Variants in CTPS2 observed in about 807,000 individuals in gnomAD.
CTPS2 encodes the protein CTP synthase II.
In CTPS2, 19 loss-of-function variants were observed where a neutral mutation model predicts 46.8. The observed-to-expected ratio is 0.41, with a 90% CI of 0.28 to 0.60. The LOEUF is 0.60. Ranked by LOEUF, CTPS2 falls within the 20% of genes least tolerant of loss-of-function variation. The pLI is 0.35. For missense variants in CTPS2, 286 were observed against 447.6 expected (o/e 0.64, Z 3.26); for synonymous variants, 151 against 165.2 (o/e 0.91, Z 0.66).
chrX:16,679,929 C>T (rs1194960378), intron 9 of CTPS2, among the ~76,000 whole-genome samples: 13 of 111,389 alleles, frequency 1.2e-4, no homozygotes, highest in Non-Finnish European at 2.3e-4. Flanking sequence ...GCAGCCTGAA[C>T]AGACTGAGAC....
chrX:16,639,493 A>G (rs1303012695), intron 13 of CTPS2, among the ~76,000 whole-genome samples: 1 of 110,610 alleles, frequency 9.0e-6, no homozygotes, highest in Non-Finnish European at 1.9e-5. Context: ...GAGCATCTTG[A>G]TGATGTCCCT....
At chrX:16,666,598 G>A (rs1423707595) in intron 13 of CTPS2, among the ~76,000 whole-genome samples, 2 of 111,251 alleles carry the variant, frequency 1.8e-5, no homozygotes, top group South Asian at 3.8e-4. Flanking sequence ...TCCGTGAGCC[G>A]TGATCATGCC....
chrX:16,617,280 C>T (rs1930583882), intron 15 of CTPS2, 34 bp from the exon 16 acceptor site: 1 of 1,025,426 alleles, frequency 9.8e-7, no homozygotes, highest in Non-Finnish European at 1.4e-6. Context: ...TTATGGGCCA[C>T]AGTGCAATAC....
chrX:16,708,306 C>T (rs1269726910), intron 1 of CTPS2, among the ~76,000 whole-genome samples: 1 of 111,386 alleles, frequency 9.0e-6, no homozygotes, highest in Non-Finnish European at 1.9e-5. Context: ...TCAAAATATA[C>T]ATGTTCCATC....
intron 10 of CTPS2, among the ~76,000 whole-genome samples, chrX:16,673,865 G>A (rs1360552850): frequency 2.7e-5 from 3 of 111,455 alleles, no homozygotes; most frequent in Middle Eastern, 4.6e-3. Context: ...AAGGCTTGGG[G>A]ACAAGTTGAA....
intron 10 of CTPS2, among the ~76,000 whole-genome samples, 166 bp from the exon 11 acceptor site, chrX:16,670,840 C>T (rs188415619): frequency 9.0e-6 from 1 of 111,222 alleles, no homozygotes; most frequent in Admixed American, 9.6e-5. Context: ...TTTCTGAAAT[C>T]TTCCCAATGT....
At chrX:16,638,487 G>A (rs966720551) in intron 14 of CTPS2, 2 of 131,599 alleles carry the variant, frequency 1.5e-5, no homozygotes, top group Non-Finnish European at 3.0e-5. Flanking sequence ...GGCACAGAGT[G>A]GGCACTCAAG....
chrX:16,699,177 G>A, intron 2 of CTPS2, 84 bp from the exon 3 acceptor site: 2 of 674,547 alleles, frequency 3.0e-6, no homozygotes. Flanking sequence ...TTAAAAAGCT[G>A]GTAAAAGATG....
chrX:16,665,113 G>A (rs1921062350), intron 13 of CTPS2, among the ~76,000 whole-genome samples: 1 of 111,729 alleles, frequency 9.0e-6, no homozygotes, highest in Non-Finnish European at 1.9e-5. Flanking sequence ...CCACTAGGAT[G>A]GCTATCATCA....
chrX:16,670,349 G>C (rs893936110), intron 11 of CTPS2, among the ~76,000 whole-genome samples: 1 of 112,271 alleles, frequency 8.9e-6, no homozygotes, highest in African/African-American at 3.2e-5. Context: ...AGCAGCCATA[G>C]ACAATATGTA....
chrX:16,623,534 T>A (rs1378760943), intron 14 of CTPS2, among the ~76,000 whole-genome samples: 1 of 111,605 alleles, frequency 9.0e-6, no homozygotes, highest in Non-Finnish European at 1.9e-5. Flanking sequence ...GTGCCTGGCT[T>A]GTTTCACTTA....
intron 11 of CTPS2, among the ~76,000 whole-genome samples, chrX:16,668,170 G>A (rs1440473720): frequency 9.1e-6 from 1 of 109,367 alleles, no homozygotes; most frequent in Non-Finnish European, 1.9e-5. Context: ...GCTGAGGCAG[G>A]AGAATTACTT....
chrX:16,668,573 A>C (rs1401688793), intron 11 of CTPS2, among the ~76,000 whole-genome samples: 4 of 104,702 alleles, frequency 3.8e-5, no homozygotes, highest in Non-Finnish European at 7.8e-5. Flanking sequence ...CGACAGAGCG[A>C]GACTCTGTCT....
At chrX:16,664,955 AC>A (rs1415751599) in intron 13 of CTPS2, among the ~76,000 whole-genome samples, 1 of 111,850 alleles carries the variant, frequency 8.9e-6, no homozygotes, top group Non-Finnish European at 1.9e-5. Flanking sequence ...AAATACAAAT[AC>A]CCTAATTTTA....
intron 14 of CTPS2, 29 bp downstream of exon 14, chrX:16,639,118 T>C: frequency 1.8e-6 from 2 of 1,125,756 alleles, no homozygotes; most frequent in African/African-American, 1.8e-5. Context: ...ATCCAACATC[T>C]TGTAAAATAA....
intron 13 of CTPS2, among the ~76,000 whole-genome samples, chrX:16,665,260 C>A (rs1319281667): frequency 8.9e-6 from 1 of 112,594 alleles, no homozygotes. Flanking sequence ...CACAGAATTA[C>A]CATATGACTC....
intron 13 of CTPS2, among the ~76,000 whole-genome samples, chrX:16,667,040 G>A (rs889949096): frequency 6.3e-5 from 7 of 110,557 alleles, no homozygotes; most frequent in Non-Finnish European, 1.3e-4. Flanking sequence ...TAGCTGAGAA[G>A]ATGGACTATC....
chrX:16,620,008 C>T (rs1421951230), intron 15 of CTPS2, among the ~76,000 whole-genome samples: 1 of 111,169 alleles, frequency 9.0e-6, no homozygotes, highest in Non-Finnish European at 1.9e-5. Context: ...GTTAGAGTAA[C>T]AAAGGGCATT....
intron 14 of CTPS2, among the ~76,000 whole-genome samples, chrX:16,627,989 A>C (rs1440279856): frequency 9.0e-5 from 10 of 111,416 alleles, no homozygotes. Context: ...TGGATGAGTG[A>C]CTTAACTTTG....
Sources: allele counts gnomAD v4.1 joint callset (sites outside exome capture counted in the v4.1 genomes callset), GRCh38; gene constraint gnomAD v4.1.1; transcripts MANE v1.5; gene names NCBI Gene and HGNC (gene_info 2026-07-23, HGNC 2026-07-21).